The following AKAP7 variants were observed in gnomAD, a reference collection of about 807,000 sequenced individuals.
AKAP7 encodes A-kinase anchoring protein 7, also known as A kinase (PRKA) anchor protein 7.
In AKAP7, 39 loss-of-function variants were observed where a neutral mutation model predicts 39.5. The observed-to-expected ratio is 0.99, with a 90% CI of 0.76 to 1.29. The LOEUF is 1.29. AKAP7 is among the 50% of genes most tolerant of loss of function. The probability of loss-of-function intolerance (pLI) is 0.00; values close to 1 mark genes in which losing one functional copy is unlikely to be tolerated. For synonymous variants in AKAP7, 140 were observed against 139.1 expected (o/e 1.01, Z -0.05); for missense variants, 414 against 407.7 (o/e 1.02, Z -0.13).
intron 7 of AKAP7, among the ~76,000 whole-genome samples, chr6:131,273,202 C>T (rs748225326): frequency 1.3e-5 from 2 of 152,142 alleles, no homozygotes; most frequent in Non-Finnish European, 2.9e-5. Flanking sequence ...CTTTAACCTT[C>T]CTGTCTCTTC....
At chr6:131,196,207 C>T (rs192725029) in intron 5 of AKAP7, among the ~76,000 whole-genome samples, 1 of 150,458 alleles carries the variant, frequency 6.6e-6, no homozygotes, top group Non-Finnish European at 1.5e-5. Context: ...CTAATTCTTT[C>T]TTCTGCCTGT....
Position 131,169,096 on chromosome 6 carries a change from G to A in AKAP7, c.429-17G>A. 6.3e-7 allele frequency: 1 copy of A among 1,582,534 alleles called. No homozygotes were observed. The highest frequency in any genetic ancestry group is 8.7e-7 in the Non-Finnish European group (1 of 1,154,276). On this transcript the variant is annotated splice_polypyrimidine_tract_variant and intron_variant, in intron 4 of 7. Transcript: ENST00000431975. ...ATTACTTAATGTGTTACTGAAAAAT[G>A]TATTATTTCTTACTAGTGGTATTGA...
chr6:131,199,857 G>A (rs1807359917), intron 6 of AKAP7: 3 of 370,896 alleles, frequency 8.1e-6, no homozygotes, highest in Non-Finnish European at 1.5e-5. Context: ...GAAGAGCCTC[G>A]AGGTGGTGCC....
chr6:131,135,718 C>G lies in AKAP7; in HGVS notation c.-46C>G. The G allele has an allele frequency of 8.3e-7, 1 of 1,199,626 alleles. No individual in the cohort carries two copies. Among genetic ancestry groups the G allele is most frequent in the East Asian group, 3.6e-5 (1 of 28,100 alleles). The allele number at this position is 1,199,626 out of a possible 1,614,324, so 74.3% of individuals were successfully genotyped here. ...CCAGCCCCGGGACGCGGCCCGCCAC[C>G]GCCGCTGCCGCCAGCCCAGACGCGC... On this transcript the variant is annotated 5_prime_UTR_variant, in exon 1 of 8. Transcript: ENST00000431975.
intron 7 of AKAP7, among the ~76,000 whole-genome samples, chr6:131,247,612 G>T (rs752914295): frequency 6.6e-6 from 1 of 151,374 alleles, no homozygotes; most frequent in Non-Finnish European, 1.5e-5. Flanking sequence ...GAGCCACCGC[G>T]CCTGGCCATA....
At chr6:131,154,046 C>A (rs567905741) in intron 2 of AKAP7, among the ~76,000 whole-genome samples, 3 of 152,042 alleles carry the variant, frequency 2.0e-5, no homozygotes, top group Non-Finnish European at 4.4e-5. Flanking sequence ...CCTGTCTCTA[C>A]TAAAAATACA....
intron 3 of AKAP7, among the ~76,000 whole-genome samples, chr6:131,163,635 G>C (rs1366018438): frequency 2.0e-5 from 3 of 152,134 alleles, no homozygotes; most frequent in Middle Eastern, 3.4e-3. Context: ...CTTTATTAGT[G>C]GAAAATCTTG....
intron 2 of AKAP7, among the ~76,000 whole-genome samples, chr6:131,146,050 G>T (rs1441752508): frequency 6.6e-6 from 1 of 152,088 alleles, no homozygotes; most frequent in Non-Finnish European, 1.5e-5. Flanking sequence ...GCTAATTTCA[G>T]CAGTACCCAT....
intron 7 of AKAP7, among the ~76,000 whole-genome samples, chr6:131,233,493 C>G (rs1810797891): frequency 2.0e-5 from 3 of 152,138 alleles, no homozygotes; most frequent in Non-Finnish European, 4.4e-5. Flanking sequence ...AGCATCATGC[C>G]TGGACATACT....
At chr6:131,262,730 A>G (rs1562251824) in intron 7 of AKAP7, among the ~76,000 whole-genome samples, 2 of 152,200 alleles carry the variant, frequency 1.3e-5, no homozygotes, top group Non-Finnish European at 2.9e-5. Flanking sequence ...TTGAAAACTA[A>G]TCTTTCAATA....
At chr6:131,210,550 C>T (rs1353741632) in intron 6 of AKAP7, among the ~76,000 whole-genome samples, 1 of 152,222 alleles carries the variant, frequency 6.6e-6, no homozygotes, top group Non-Finnish European at 1.5e-5. Flanking sequence ...TAAGGCCTTT[C>T]AGTGCAACTG....
chr6:131,249,735 C>T (rs1812292481), intron 7 of AKAP7, among the ~76,000 whole-genome samples: 1 of 152,208 alleles, frequency 6.6e-6, no homozygotes, highest in Admixed American at 6.5e-5. Context: ...TTTGCTCAAT[C>T]ACCTTGTGGC....
At chr6:131,198,653 T>C (rs1482572344) in intron 5 of AKAP7, among the ~76,000 whole-genome samples, 1 of 152,166 alleles carries the variant, frequency 6.6e-6, no homozygotes, top group East Asian at 1.9e-4. Context: ...TGGAACAGTA[T>C]TCCTGGGCTC....
intron 5 of AKAP7, among the ~76,000 whole-genome samples, chr6:131,197,156 G>C (rs1212054911): frequency 2.0e-5 from 3 of 151,868 alleles, no homozygotes; most frequent in Admixed American, 6.6e-5. Flanking sequence ...TCTCATGTCT[G>C]TGTGTGTAAT....
intron 7 of AKAP7, among the ~76,000 whole-genome samples, chr6:131,254,921 G>C (rs1380034688): frequency 6.6e-6 from 1 of 152,108 alleles, no homozygotes; most frequent in African/African-American, 2.4e-5. Flanking sequence ...CAAATGTTGA[G>C]ATAATTTCTG....
chr6:131,193,067 C>G (rs1397153726), intron 5 of AKAP7, among the ~76,000 whole-genome samples: 1 of 151,924 alleles, frequency 6.6e-6, no homozygotes, highest in Admixed American at 6.6e-5. Flanking sequence ...TTTGAATGCC[C>G]TTTATTTCTT....
At chr6:131,203,649 A>G (rs1275959390) in intron 6 of AKAP7, among the ~76,000 whole-genome samples, 3 of 152,176 alleles carry the variant, frequency 2.0e-5, no homozygotes, top group African/African-American at 4.8e-5. Flanking sequence ...TCCCAACAGA[A>G]TGTCTCTCTA....
At position 131,224,598 on chromosome 6, in the gene AKAP7, A is replaced by G. The variant is rs78364797; in HGVS notation, c.850+4790A>G. Among the ~76,000 whole-genome samples the G allele has an allele frequency of 0.014, 2,199 of 152,062 alleles. 148 individuals are homozygous for G. In the East Asian group the frequency reaches 0.18, roughly 12 times the overall value. On this transcript the variant is annotated intron_variant, in intron 7 of 7. Coordinates refer to ENST00000431975, the MANE Select transcript of AKAP7 (RefSeq NM_016377.4). ...CATATTTCCTATCTTTGTTAATGGT[A>G]CATTCTTGGAGAGTGCTAGATTACA...
At chr6:131,136,742 A>G (rs901771552) in intron 1 of AKAP7, 6 of 476,898 alleles carry the variant, frequency 1.3e-5, no homozygotes, top group Non-Finnish European at 1.6e-5. Context: ...CTCCCTAATA[A>G]TTTGGATTTT....
Sources: gnomAD v4.1 joint callset for allele counts (sites outside exome capture counted in the v4.1 genomes callset) on GRCh38, gnomAD v4.1.1 for gene constraint, MANE v1.5 for transcripts, NCBI Gene and HGNC (gene_info 2026-07-23, HGNC 2026-07-21) for gene names.